The following FREM1 variants were observed in gnomAD, a reference collection of about 807,000 sequenced individuals.
FREM1 encodes FRAS1-related extracellular matrix protein 1.
A neutral mutation model predicts 210.1 loss-of-function variants in FREM1; 220 were observed. That is an observed-to-expected ratio of 1.05 (90% CI 0.94 to 1.17). FREM1 has a LOEUF of 1.17. Ranked by LOEUF, FREM1 falls within the 50% of genes most tolerant of loss-of-function variation. The pLI, the probability that FREM1 is intolerant of heterozygous loss-of-function variation, is 0.00. For missense variants in FREM1, 3,454 were observed against 2,675.5 expected (o/e 1.29, Z -6.42); for synonymous variants, 1,189 against 980.2 (o/e 1.21, Z -3.98).
chr9:14,741,850 C>G (rs1841629335), intron 35 of FREM1, among the ~76,000 whole-genome samples: 1 of 152,156 alleles, frequency 6.6e-6, no homozygotes, highest in Admixed American at 6.5e-5. Flanking sequence ...TATTTAACAT[C>G]TTCTCTAGCT....
chr9:14,899,339 G>T (rs1838355686), intron 1 of FREM1, among the ~76,000 whole-genome samples: 1 of 152,196 alleles, frequency 6.6e-6, no homozygotes, highest in African/African-American at 2.4e-5. Context: ...GAGCTTAATG[G>T]CATTAAGAAA....
At chr9:14,893,131 G>C (rs1837152225) in intron 1 of FREM1, among the ~76,000 whole-genome samples, 1 of 151,864 alleles carries the variant, frequency 6.6e-6, no homozygotes, top group Admixed American at 6.6e-5. Flanking sequence ...CTGAAGCCTG[G>C]CATGTCAGCA....
chr9:14,794,805 C>G (rs1436819913), intron 21 of FREM1, among the ~76,000 whole-genome samples: 1 of 152,026 alleles, frequency 6.6e-6, no homozygotes, highest in Non-Finnish European at 1.5e-5. Context: ...CGAGACCATA[C>G]TGGCCAACAT....
Position 14,869,220 on chromosome 9 carries a change from G to A in FREM1, c.-243C>T, listed in dbSNP as rs561749472. The A allele has an allele frequency of 2.4e-6, 1 of 420,436 alleles. No individual in the cohort carries two copies. 26.0% of individuals were successfully genotyped at this position (420,436 alleles called of 1,614,324 possible). A position where few individuals can be genotyped will look rare whatever the true frequency, so the allele number is the denominator to read the frequency against. On this transcript the variant is annotated 5_prime_UTR_variant, in exon 2 of 37. Coordinates refer to ENST00000380880, the MANE Select transcript of FREM1 (RefSeq NM_001379081.2). ...TCCTGACAACGCCGGCAAGATTAAT[G>A]GGCTTCCCAAGTGCTTTTCTAATCC...
intron 1 of FREM1, among the ~76,000 whole-genome samples, chr9:14,895,074 G>A (rs1204620683): frequency 6.6e-6 from 1 of 152,184 alleles, no homozygotes; most frequent in African/African-American, 2.4e-5. Context: ...GTTATCTTGG[G>A]ACCTCAGGAG....
chr9:14,902,894 A>G (rs940194112), intron 1 of FREM1, among the ~76,000 whole-genome samples: 1 of 152,240 alleles, frequency 6.6e-6, no homozygotes, highest in African/African-American at 2.4e-5. Context: ...TTGGAAGACC[A>G]GCTTACTGAC....
intron 10 of FREM1, among the ~76,000 whole-genome samples, chr9:14,826,156 G>A (rs1488675181): frequency 4.1e-5 from 6 of 147,454 alleles, no homozygotes; most frequent in Non-Finnish European, 8.9e-5. Flanking sequence ...GCAGTGGTGC[G>A]ATCTCAGCTC....
chr9:14,834,899 T>C (rs1824250051), intron 10 of FREM1, among the ~76,000 whole-genome samples: 1 of 70,318 alleles, frequency 1.4e-5, no homozygotes, highest in Admixed American at 1.5e-4. Flanking sequence ...GTCATGTTTT[T>C]AACTGTAACT....
chr9:14,765,354 T>C (rs1846205333), intron 27 of FREM1, among the ~76,000 whole-genome samples: 1 of 152,186 alleles, frequency 6.6e-6, no homozygotes, highest in African/African-American at 2.4e-5. Flanking sequence ...TTGTAACCAC[T>C]GATTAGTATG....
intron 1 of FREM1, among the ~76,000 whole-genome samples, chr9:14,891,868 A>G (rs956361500): frequency 3.3e-5 from 5 of 152,240 alleles, no homozygotes; most frequent in Admixed American, 2.0e-4. Flanking sequence ...AAAAAGTTCA[A>G]TAAGAGGTAA....
chr9:14,886,652 T>G (rs1423544969), intron 1 of FREM1, among the ~76,000 whole-genome samples: 1 of 151,952 alleles, frequency 6.6e-6, no homozygotes, highest in Admixed American at 6.6e-5. Flanking sequence ...TCCCAACATT[T>G]TGGGAGGCCA....
chr9:14,775,361 T>A (rs902167428), intron 25 of FREM1, among the ~76,000 whole-genome samples: 1 of 152,122 alleles, frequency 6.6e-6, no homozygotes, highest in Non-Finnish European at 1.5e-5. Flanking sequence ...ATATTGCTGT[T>A]TTGCTGTAGA....
In FREM1 at chr9:14,824,065, A is replaced by G; in HGVS notation, c.2129T>C (p.Val710Ala). ...CAGCTCCAGGGCCGTAGGATTCTTA[A>G]CTACTTTTGGTATGCTGTCCACCAT... ...LFMVDSIPKV[V>A]KNPTALELRS... Residue 710 changes from valine (V) to alanine (A), a missense_variant, in exon 12 of 37, where the codon GTT (valine) becomes GCT (alanine). Transcript: ENST00000380880. The G allele has an allele frequency of 6.3e-7, 1 of 1,593,516 alleles. No homozygotes were observed. The highest frequency in any genetic ancestry group is 8.6e-7 in the Non-Finnish European group (1 of 1,168,838).
intron 5 of FREM1, among the ~76,000 whole-genome samples, chr9:14,855,449 T>G (rs1331614505): frequency 2.0e-5 from 3 of 152,010 alleles, no homozygotes; most frequent in African/African-American, 7.2e-5. Flanking sequence ...AAATTATGAG[T>G]GAAGGATCAT....
chr9:14,765,072 T>C (rs946693015), intron 27 of FREM1, among the ~76,000 whole-genome samples: 1 of 152,242 alleles, frequency 6.6e-6, no homozygotes. Flanking sequence ...GAAGCTAAAA[T>C]TGTGATTAAA....
intron 15 of FREM1, among the ~76,000 whole-genome samples, chr9:14,813,681 A>G (rs1053093108): frequency 6.6e-6 from 1 of 152,144 alleles, no homozygotes; most frequent in African/African-American, 2.4e-5. Context: ...CCAAGTAAAA[A>G]GGAAAGAAAA....
At chr9:14,826,949 T>C (rs1250727228) in intron 10 of FREM1, among the ~76,000 whole-genome samples, 1 of 152,190 alleles carries the variant, frequency 6.6e-6, no homozygotes, top group Non-Finnish European at 1.5e-5. Context: ...AAATTTCTAT[T>C]ATTTATACAT....
At chr9:14,761,052 A>C (rs925926652) in intron 27 of FREM1, among the ~76,000 whole-genome samples, 4 of 152,218 alleles carry the variant, frequency 2.6e-5, no homozygotes, top group African/African-American at 9.6e-5. Context: ...TTTACTTTTA[A>C]GTTTATTTAT....
At chr9:14,899,469 A>G (rs1306523826) in intron 1 of FREM1, among the ~76,000 whole-genome samples, 1 of 152,224 alleles carries the variant, frequency 6.6e-6, no homozygotes, top group Non-Finnish European at 1.5e-5. Context: ...CAAAAACAAA[A>G]TCTCCATAAA....
Sources: gnomAD v4.1 joint callset for allele counts (sites outside exome capture counted in the v4.1 genomes callset) on GRCh38, gnomAD v4.1.1 for gene constraint, MANE v1.5 for transcripts, NCBI Gene and HGNC (gene_info 2026-07-23, HGNC 2026-07-21) for gene names.